Variants in DAB1 observed in about 807,000 individuals in gnomAD.
DAB1 encodes disabled homolog 1.
A neutral mutation model predicts 64.6 loss-of-function variants in DAB1; 15 were observed. The observed-to-expected ratio is 0.23, with a 90% CI of 0.16 to 0.36. DAB1 has a LOEUF of 0.36. DAB1 is among the 10% of genes least tolerant of loss of function. The pLI, the probability that DAB1 is intolerant of heterozygous loss-of-function variation, is 1.00. For synonymous variants in DAB1, 235 were observed against 251.9 expected (o/e 0.93, Z 0.64); for missense variants, 596 against 706.7 (o/e 0.84, Z 1.78).
intron 3 of DAB1, 28 bp downstream of exon 3, chr1:57,145,262 T>C (rs1658999527): frequency 1.2e-6 from 2 of 1,610,348 alleles, no homozygotes; most frequent in African/African-American, 1.3e-5. Flanking sequence ...AAACACAAAG[T>C]ATTGAAAAGA....
intron 5 of DAB1, among the ~76,000 whole-genome samples, chr1:57,927,852 G>T (rs1456285890): frequency 2.0e-5 from 3 of 152,042 alleles, no homozygotes; most frequent in Admixed American, 6.6e-5. Flanking sequence ...ACACACAGAA[G>T]AATATTTTCA....
intron 2 of DAB1, among the ~76,000 whole-genome samples, chr1:57,244,217 T>C (rs925408469): frequency 6.6e-6 from 1 of 152,242 alleles, no homozygotes; most frequent in African/African-American, 2.4e-5. Context: ...TCTTTTACCA[T>C]GTTCGATTCT....
intron 2 of DAB1, among the ~76,000 whole-genome samples, chr1:57,167,427 C>G (rs189943209): frequency 2.1e-3 from 316 of 152,228 alleles, no homozygotes; most frequent in Non-Finnish European, 1.7e-3. Flanking sequence ...TCTTGGTTCT[C>G]CCTCTTTCTT....
At chr1:58,493,886 A>G (rs199842507) in intron 3 of DAB1, among the ~76,000 whole-genome samples, 23,188 of 150,694 alleles carry the variant, frequency 0.15, 2,023 homozygotes, top group Admixed American at 0.26. Context: ...CAAGCTACCA[A>G]TGACTTTCTT....
intron 4 of DAB1, among the ~76,000 whole-genome samples, chr1:58,284,621 T>C (rs1351553328): frequency 6.6e-6 from 1 of 152,266 alleles, no homozygotes. Flanking sequence ...AAAAGTCTTC[T>C]CAAAGTCGTT....
At chr1:57,837,524 T>C (rs1444655712) in intron 1 of DAB1, among the ~76,000 whole-genome samples, 1 of 152,044 alleles carries the variant, frequency 6.6e-6, no homozygotes, top group Non-Finnish European at 1.5e-5. Flanking sequence ...TGTCCTAAAA[T>C]ATCTCCCCCA....
intron 7 of DAB1, among the ~76,000 whole-genome samples, chr1:57,440,684 G>C (rs529327163): frequency 1.3e-5 from 2 of 152,322 alleles, no homozygotes; most frequent in Admixed American, 6.5e-5. Context: ...AGGGTGAAAA[G>C]ACATGGTCAG....
chr1:58,170,230 A>G (rs1376090006), intron 4 of DAB1, among the ~76,000 whole-genome samples: 3 of 152,162 alleles, frequency 2.0e-5, no homozygotes, highest in Admixed American at 1.3e-4. Flanking sequence ...ACATCTGTGG[A>G]CCTGTGTTCT....
intron 7 of DAB1, among the ~76,000 whole-genome samples, chr1:57,538,146 G>A (rs553192200): frequency 6.6e-6 from 1 of 152,262 alleles, no homozygotes; most frequent in Admixed American, 6.5e-5. Context: ...CATAGCAAGT[G>A]ACCTAAGGCT....
At chr1:57,876,369 G>A (rs2101963961) in intron 1 of DAB1, 1 of 152,418 alleles carries the variant, frequency 6.6e-6, no homozygotes, top group Non-Finnish European at 1.5e-5. Context: ...ACTCCCACTG[G>A]AAGAAACACG....
chr1:57,043,097 A>G lies in DAB1; in HGVS notation c.724-17054T>C, dbSNP rs142496619. ...GATGGCATTTTCAACTGACTCTTCA[A>G]GCTCCTTCCCAGTGAGACCCATCAG... On this transcript the variant is annotated intron_variant, in intron 9 of 14. Transcript: ENST00000371236. 3.0e-3 allele frequency among the ~76,000 whole-genome samples: 461 copies of G among 152,326 alleles called. 1 individual carries two copies. The highest frequency in any genetic ancestry group is 0.014 in the Middle Eastern group (4 of 294).
intron 3 of DAB1, among the ~76,000 whole-genome samples, chr1:58,402,927 C>A (rs1402241921): frequency 6.6e-6 from 1 of 152,216 alleles, no homozygotes; most frequent in East Asian, 1.9e-4. Flanking sequence ...CTTGGACAAG[C>A]TACAAGCTGC....
chr1:57,380,753 G>C (rs1265241324), intron 1 of DAB1, among the ~76,000 whole-genome samples: 1 of 152,126 alleles, frequency 6.6e-6, no homozygotes, highest in Non-Finnish European at 1.5e-5. Context: ...GAATCCAGAA[G>C]GGCTTCACAG....
chr1:57,698,367 G>A (rs1033714302), intron 6 of DAB1, among the ~76,000 whole-genome samples: 2 of 151,818 alleles, frequency 1.3e-5, no homozygotes, highest in Non-Finnish European at 2.9e-5. Context: ...CAAAGCACTA[G>A]GATTACAGGC....
At chr1:57,641,102 A>G (rs1646121926) in intron 7 of DAB1, among the ~76,000 whole-genome samples, 1 of 152,124 alleles carries the variant, frequency 6.6e-6, no homozygotes, top group Admixed American at 6.5e-5. Flanking sequence ...CCTCATCCTT[A>G]AAACATAATA....
At chr1:57,994,241 C>T (rs1646391795) in intron 5 of DAB1, among the ~76,000 whole-genome samples, 3 of 152,222 alleles carry the variant, frequency 2.0e-5, no homozygotes, top group Admixed American at 1.3e-4. Flanking sequence ...CTGCAGAATC[C>T]TGTGGTCCTG....
intron 3 of DAB1, among the ~76,000 whole-genome samples, chr1:57,139,597 C>T (rs1300868714): frequency 1.3e-5 from 2 of 152,140 alleles, no homozygotes; most frequent in African/African-American, 4.8e-5. Context: ...GAGAAGAGCA[C>T]AGGACAGGGT....
At chr1:57,337,438 G>A (rs1677168467) in intron 1 of DAB1, among the ~76,000 whole-genome samples, 2 of 152,172 alleles carry the variant, frequency 1.3e-5, no homozygotes. Context: ...GGGATCACAA[G>A]AGAAGACTCC....
intron 14 of DAB1, among the ~76,000 whole-genome samples, chr1:57,000,715 G>A (rs565198448): frequency 7.9e-5 from 12 of 152,290 alleles, no homozygotes; most frequent in East Asian, 1.9e-4. Context: ...CTTCAAGCAC[G>A]CATATTAATG....
Sources: allele counts gnomAD v4.1 joint callset (sites outside exome capture counted in the v4.1 genomes callset), GRCh38; gene constraint gnomAD v4.1.1; transcripts MANE v1.5; gene names NCBI Gene and HGNC (gene_info 2026-07-23, HGNC 2026-07-21).